ZSCAN30: variants seen among roughly 807,000 people sequenced by gnomAD.
ZSCAN30 encodes the protein zinc finger and SCAN domain containing 30.
Under a neutral mutation model 44.3 loss-of-function variants are expected in ZSCAN30, and 37 were observed. That is an observed-to-expected ratio of 0.84 (90% CI 0.64 to 1.10). The LOEUF (loss-of-function observed/expected upper bound fraction) is 1.10, where lower values mean the gene tolerates loss of function less well. ZSCAN30 is among the 50% of genes least tolerant of loss of function. ZSCAN30 has a pLI of 0.00. For missense variants in ZSCAN30, 549 were observed against 582.6 expected, an observed-to-expected ratio of 0.94 and a Z score of 0.59; for synonymous variants, 181 against 204.6, an observed-to-expected ratio of 0.88 and a Z score of 0.98.
intron 1 of ZSCAN30, among the ~76,000 whole-genome samples, chr18:35,270,631 A>G (rs140932845): frequency 8.5e-5 from 13 of 152,080 alleles, no homozygotes; most frequent in African/African-American, 2.2e-4. Context: ...CCTAGACTGG[A>G]GTGGAGTGGC....
At chr18:35,265,832 G>A (rs1310074644) in intron 1 of ZSCAN30, among the ~76,000 whole-genome samples, 1 of 152,114 alleles carries the variant, frequency 6.6e-6, no homozygotes, top group African/African-American at 2.4e-5. Flanking sequence ...ATCCAAGGAC[G>A]GAGCGAAGTA....
intron 1 of ZSCAN30, among the ~76,000 whole-genome samples, chr18:35,279,350 G>A (rs2044416439): frequency 6.6e-6 from 1 of 152,170 alleles, no homozygotes; most frequent in African/African-American, 2.4e-5. Flanking sequence ...CCTTTTGGAT[G>A]CATTACTCCA....
chr18:35,288,175 C>G (rs1381076109), intron 1 of ZSCAN30, among the ~76,000 whole-genome samples: 1 of 152,154 alleles, frequency 6.6e-6, no homozygotes, highest in African/African-American at 2.4e-5. Context: ...CACCTGGCCA[C>G]AAAGCATATA....
rs745950472 is a variant in ZSCAN30, at chr18:35,253,486, G to A, written c.1449C>T (p.Gly483=). Residue 483 remains glycine, a synonymous_variant, in exon 4 of 4, where the codon GGC becomes GGT. Coordinates refer to ENST00000333206, the MANE Select transcript of ZSCAN30 (RefSeq NM_001112734.4). The part of the protein sequence containing the change: ...ECRKTFRHRS[G]LMQHQRTHTR... ...TGTGTGTTCTCTGATGCTGCATAAG[G>A]CCTGACCTATGCCTAAATGTTTTTC... 2 of 1,603,438 alleles carry A rather than the reference G, an allele frequency of 1.2e-6. No individual in the cohort carries two copies. The highest frequency in any genetic ancestry group is 3.4e-5 in the Admixed American group (2 of 59,490).
chr18:35,256,928 T>G (rs999461667), intron 3 of ZSCAN30: 1 of 152,888 alleles, frequency 6.5e-6, no homozygotes, highest in East Asian at 1.9e-4. Context: ...TGCGCATCAT[T>G]GCATCCAGTT....
chr18:35,253,445 CAG>C lies in ZSCAN30; in HGVS notation c.*3_*4del, dbSNP rs1312416872. The C allele has an allele frequency of 3.2e-6, 5 of 1,551,744 alleles. No homozygotes were observed. Among genetic ancestry groups the C allele is most frequent in the Non-Finnish European group, 4.4e-6 (5 of 1,148,216 alleles). ...TTCACAATTGTACAACTCTTACCCA[CAG>C]AGTTAAACTCTGGTGTGTGTTCTCT... On this transcript the variant is annotated 3_prime_UTR_variant, in exon 4 of 4. Transcript: ENST00000333206.
intron 1 of ZSCAN30, among the ~76,000 whole-genome samples, chr18:35,270,644 C>G (rs2044251095): frequency 6.6e-6 from 1 of 152,068 alleles, no homozygotes. Flanking sequence ...GGAGTGGCAC[C>G]ATCTCAGCTC....
Position 35,253,955 on chromosome 18 carries a change from C to T in ZSCAN30, c.980G>A (p.Arg327Lys), listed in dbSNP as rs768216349. The T allele has an allele frequency of 1.2e-6, 2 of 1,614,062 alleles. No individual in the cohort carries two copies. The highest frequency in any genetic ancestry group is 2.7e-5 in the African/African-American group (2 of 75,022). The change falls in exon 4 of 4, where the codon AGA becomes AAA. Residue 327 changes from arginine (R) to lysine (K), a missense_variant. Physicochemically the swap from Arg to Lys is conservative, Grantham distance 26. Coordinates refer to ENST00000333206, the MANE Select transcript of ZSCAN30 (RefSeq NM_001112734.4). The stretch of plus-strand genomic sequence containing the variant: ...GCCACATTCTTTACATGCATAAGGT[C>T]TCTCTCCAGTATGAATTCTCTGATG... ...IRHQRIHTGE[R>K]PYACKECGKA...
chr18:35,270,158 G>A (rs1390550022), intron 1 of ZSCAN30: 1 of 152,046 alleles, frequency 6.6e-6, no homozygotes, highest in African/African-American at 2.4e-5. Context: ...AGATAATGAA[G>A]TATCAATTTT....
At chr18:35,266,775 T>G (rs921580899) in intron 1 of ZSCAN30, 3 of 146,478 alleles carry the variant, frequency 2.0e-5, no homozygotes, top group African/African-American at 7.6e-5. Flanking sequence ...CACGCCATTC[T>G]CCTGCCTCAG....
intron 1 of ZSCAN30, among the ~76,000 whole-genome samples, chr18:35,279,447 T>A (rs1241531788): frequency 6.6e-6 from 1 of 152,238 alleles, no homozygotes; most frequent in African/African-American, 2.4e-5. Flanking sequence ...GGCATTGGAT[T>A]AAGGCCCACT....
intron 1 of ZSCAN30, among the ~76,000 whole-genome samples, chr18:35,288,910 T>C (rs1338385453): frequency 1.3e-5 from 2 of 152,154 alleles, no homozygotes; most frequent in Non-Finnish European, 2.9e-5. Flanking sequence ...TCAAATTATA[T>C]CCTTTAAATA....
At chr18:35,285,681 T>A (rs2044536834) in intron 1 of ZSCAN30, among the ~76,000 whole-genome samples, 1 of 151,920 alleles carries the variant, frequency 6.6e-6, no homozygotes, top group African/African-American at 2.4e-5. Context: ...AGACAACACA[T>A]CAGAATTTGT....
At chr18:35,278,363 T>G (rs2044400607) in intron 1 of ZSCAN30, among the ~76,000 whole-genome samples, 1 of 152,232 alleles carries the variant, frequency 6.6e-6, no homozygotes, top group South Asian at 2.1e-4. Flanking sequence ...GGACAGCTTT[T>G]CTTCTTTTCA....
intron 1 of ZSCAN30, chr18:35,270,053 G>C (rs1598636624): frequency 1.3e-5 from 2 of 151,996 alleles, no homozygotes; most frequent in Admixed American, 1.3e-4. Context: ...ATATACCTAA[G>C]AAAATTAGCA....
At chr18:35,267,871 C>T (rs1171695871) in intron 1 of ZSCAN30, 3 of 151,908 alleles carry the variant, frequency 2.0e-5, no homozygotes, top group East Asian at 1.9e-4. Flanking sequence ...GAGCTGACCA[C>T]GCTCACCGCG....
At position 35,251,168 on chromosome 18, in the gene ZSCAN30, T is replaced by G. The variant is rs1313988729; in HGVS notation, c.*2282A>C. 1 of 152,202 alleles carries G rather than the reference T, an allele frequency of 6.6e-6. No individual in the cohort carries two copies. The highest frequency in any genetic ancestry group is 1.5e-5 in the Non-Finnish European group (1 of 68,044). 9.4% of individuals were successfully genotyped at this position (152,202 alleles called of 1,614,324 possible). ...TTACCAAAAATCATTTACTAAACAG[T>G]AGTTTTACTAAAAATACTAGGATTG... On this transcript the variant is annotated 3_prime_UTR_variant, in exon 4 of 4. Transcript: ENST00000333206.
chr18:35,288,028 A>G (rs1054318853), intron 1 of ZSCAN30, among the ~76,000 whole-genome samples: 5 of 151,834 alleles, frequency 3.3e-5, no homozygotes, highest in Admixed American at 3.3e-4. Flanking sequence ...ACACACCACC[A>G]CATCCGACAA....
At chr18:35,264,502 G>C in intron 1 of ZSCAN30, 47 bp from the exon 2 acceptor site, 1 of 837,860 alleles carries the variant, frequency 1.2e-6, no homozygotes, top group East Asian at 2.7e-5. Flanking sequence ...TAATGTACTT[G>C]GAATATAAAT....
Sources: gnomAD v4.1 joint callset for allele counts (sites outside exome capture counted in the v4.1 genomes callset) on GRCh38, gnomAD v4.1.1 for gene constraint, MANE v1.5 for transcripts, NCBI Gene and HGNC (gene_info 2026-07-23, HGNC 2026-07-21) for gene names.